Variants in LINGO2 observed in about 807,000 individuals in gnomAD.
The protein encoded by LINGO2 is leucine-rich repeat and immunoglobulin-like domain-containing nogo receptor-interacting protein 2.
LINGO2 carries 14 observed loss-of-function variants against 30.6 expected under a neutral mutation model. The observed-to-expected ratio is 0.46, with a 90% confidence interval of 0.30 to 0.72. The LOEUF is 0.72. Among genes scored for constraint, LINGO2 ranks in the 30% least tolerant of loss-of-function variants. The pLI is 0.07. For missense variants in LINGO2, 729 were observed against 751.7 expected (o/e 0.97, Z 0.35); for synonymous variants, 317 against 288.5 (o/e 1.10, Z -1.00).
the LINGO2 span, among the ~76,000 whole-genome samples, chr9:28,928,928 T>G: frequency 2.0e-5 from 3 of 152,166 alleles, no homozygotes; most frequent in African/African-American, 7.2e-5. Flanking sequence ...AAGAGAAGAC[T>G]GCAAAACGGA....
the LINGO2 span, among the ~76,000 whole-genome samples, chr9:28,812,740 A>C: frequency 3.9e-5 from 6 of 152,148 alleles, no homozygotes; most frequent in African/African-American, 1.4e-4. Context: ...AGTAACTGTG[A>C]TTTATTTGGT....
At chr9:28,868,017 A>G in the LINGO2 span, among the ~76,000 whole-genome samples, 1 of 152,144 alleles carries the variant, frequency 6.6e-6, no homozygotes, top group Admixed American at 6.6e-5. Flanking sequence ...AGTTTTCAGG[A>G]TTTTATGTAA....
the LINGO2 span, among the ~76,000 whole-genome samples, chr9:29,155,078 T>C: frequency 1.3e-5 from 2 of 152,242 alleles, no homozygotes; most frequent in African/African-American, 2.4e-5. Flanking sequence ...GCATTTATCA[T>C]AGGGACTTGC....
At chr9:28,794,506 T>C in the LINGO2 span, among the ~76,000 whole-genome samples, 6 of 152,192 alleles carry the variant, frequency 3.9e-5, no homozygotes, top group Admixed American at 2.0e-4. Context: ...TTATTTTTAA[T>C]TGCAGTCTCA....
the LINGO2 span, among the ~76,000 whole-genome samples, chr9:28,927,426 T>A: frequency 6.6e-6 from 1 of 152,136 alleles, no homozygotes; most frequent in Non-Finnish European, 1.5e-5. Context: ...AATAAACCCA[T>A]GTAATATCTA....
chr9:28,113,286 C>T (rs1453440364), intron 4 of LINGO2, among the ~76,000 whole-genome samples: 2 of 75,574 alleles, frequency 2.6e-5, no homozygotes. Flanking sequence ...GTTTTGGTAC[C>T]AGTACCATGC....
At chr9:28,592,724 A>ATC (rs1401097607) in intron 1 of LINGO2, among the ~76,000 whole-genome samples, 1 of 152,078 alleles carries the variant, frequency 6.6e-6, no homozygotes, top group African/African-American at 2.4e-5. Context: ...CCCTTGGAGA[A>ATC]AGGATATGGG....
intron 2 of LINGO2, among the ~76,000 whole-genome samples, chr9:28,398,766 C>A (rs1324136927): frequency 6.6e-6 from 1 of 151,916 alleles, no homozygotes; most frequent in African/African-American, 2.4e-5. Context: ...GCTTTAACAA[C>A]CTGCATATTT....
At chr9:28,882,525 G>A in the LINGO2 span, among the ~76,000 whole-genome samples, 5 of 152,130 alleles carry the variant, frequency 3.3e-5, no homozygotes, top group African/African-American at 9.7e-5. Context: ...TTAGAGAGTG[G>A]TAGACCTTCT....
At chr9:28,173,856 T>G (rs1828668966) in intron 4 of LINGO2, among the ~76,000 whole-genome samples, 1 of 152,240 alleles carries the variant, frequency 6.6e-6, no homozygotes, top group Non-Finnish European at 1.5e-5. Flanking sequence ...TTTAGGGATA[T>G]AAATTAATCA....
At chr9:28,097,623 G>A (rs1826283416) in intron 4 of LINGO2, among the ~76,000 whole-genome samples, 2 of 135,650 alleles carry the variant, frequency 1.5e-5, no homozygotes, top group Non-Finnish European at 3.1e-5. Context: ...CTCATAGGTG[G>A]GAATTGAACA....
intron 4 of LINGO2, among the ~76,000 whole-genome samples, chr9:28,293,485 G>C (rs1054511978): frequency 6.6e-6 from 1 of 152,012 alleles, no homozygotes; most frequent in African/African-American, 2.4e-5. Context: ...AATTGTAAAT[G>C]TCTGTTTAAT....
chr9:28,327,459 T>G (rs997630794), intron 3 of LINGO2, among the ~76,000 whole-genome samples: 2 of 152,184 alleles, frequency 1.3e-5, no homozygotes, highest in Non-Finnish European at 2.9e-5. Context: ...ATTTTGTGAG[T>G]TGAGGTGGAA....
chr9:28,088,394 G>A (rs1825976131), intron 4 of LINGO2, among the ~76,000 whole-genome samples: 2 of 151,906 alleles, frequency 1.3e-5, no homozygotes, highest in South Asian at 4.1e-4. Flanking sequence ...GGCCTTCATT[G>A]CCAGACTACC....
At chr9:28,489,558 T>C (rs1826304646) in intron 1 of LINGO2, among the ~76,000 whole-genome samples, 1 of 152,140 alleles carries the variant, frequency 6.6e-6, no homozygotes, top group African/African-American at 2.4e-5. Flanking sequence ...TCTTGTATTT[T>C]GCTGTGACTT....
At chr9:28,318,150 C>G (rs988839263) in intron 3 of LINGO2, among the ~76,000 whole-genome samples, 6 of 152,092 alleles carry the variant, frequency 3.9e-5, no homozygotes, top group Non-Finnish European at 5.9e-5. Flanking sequence ...GCTTCACAAT[C>G]GGAACAAGAA....
chr9:28,852,084 C>G, the LINGO2 span, among the ~76,000 whole-genome samples: 67 of 151,910 alleles, frequency 4.4e-4, no homozygotes, highest in African/African-American at 1.6e-3. Context: ...TGTACAACAT[C>G]ATTCCTCAAG....
chr9:28,641,787 G>A (rs1476129395), intron 1 of LINGO2, among the ~76,000 whole-genome samples: 1 of 152,190 alleles, frequency 6.6e-6, no homozygotes, highest in East Asian at 1.9e-4. Flanking sequence ...TGCATAAGGA[G>A]TCAGTCATTG....
chr9:28,509,459 A>G (rs894471343), intron 1 of LINGO2, among the ~76,000 whole-genome samples: 2 of 152,196 alleles, frequency 1.3e-5, no homozygotes, highest in African/African-American at 4.8e-5. Flanking sequence ...TTTTCTAGTC[A>G]GTGGTTTACA....
Sources: allele counts gnomAD v4.1 joint callset (sites outside exome capture counted in the v4.1 genomes callset), GRCh38; gene constraint gnomAD v4.1.1; transcripts MANE v1.5; gene names NCBI Gene and HGNC (gene_info 2026-07-23, HGNC 2026-07-21).